Variants in RPH3A observed in about 807,000 individuals in gnomAD.
The protein encoded by RPH3A is rabphilin-3A.
In RPH3A, 48 loss-of-function variants were observed where a neutral mutation model predicts 102.2. The ratio of observed to expected loss-of-function variants is 0.47; its 90% CI spans 0.37 to 0.60. RPH3A has a LOEUF of 0.60. RPH3A is among the 20% of genes least tolerant of loss of function. The pLI, the probability that RPH3A is intolerant of heterozygous loss-of-function variation, is 0.00. For missense variants in RPH3A, 781 were observed against 910.1 expected (o/e 0.86, Z 1.83); for synonymous variants, 310 against 324.3 (o/e 0.96, Z 0.47).
At chr12:112,696,037 C>T (rs2040349298) in intron 1 of RPH3A, among the ~76,000 whole-genome samples, 2 of 152,150 alleles carry the variant, frequency 1.3e-5, no homozygotes, top group South Asian at 2.1e-4. Flanking sequence ...ATTCTTATGA[C>T]TTTGCATCCT....
chr12:112,693,271 A>G (rs367818871), intron 1 of RPH3A, among the ~76,000 whole-genome samples: 24 of 152,192 alleles, frequency 1.6e-4, no homozygotes, highest in Admixed American at 1.2e-3. Context: ...ATTGGTTTTG[A>G]CATCAGAAGC....
intron 4 of RPH3A, among the ~76,000 whole-genome samples, chr12:112,844,003 G>A (rs1444630207): frequency 2.0e-5 from 3 of 152,124 alleles, no homozygotes; most frequent in Non-Finnish European, 2.9e-5. Flanking sequence ...CAACAGCATG[G>A]CACAGGCTCT....
intron 1 of RPH3A, among the ~76,000 whole-genome samples, chr12:112,635,168 T>G (rs2039839014): frequency 6.6e-6 from 1 of 152,188 alleles, no homozygotes; most frequent in Non-Finnish European, 1.5e-5. Flanking sequence ...GCCACTATAA[T>G]ATGAAAGTAG....
At chr12:112,803,772 A>T (rs1479869910) in intron 2 of RPH3A, among the ~76,000 whole-genome samples, 2 of 152,194 alleles carry the variant, frequency 1.3e-5, no homozygotes, top group Non-Finnish European at 2.9e-5. Context: ...ACTGGCCAGG[A>T]GGAGGCAGTA....
chr12:112,634,567 G>A (rs1314530948), intron 1 of RPH3A, among the ~76,000 whole-genome samples: 10 of 134,506 alleles, frequency 7.4e-5, no homozygotes, highest in Non-Finnish European at 1.0e-4. Flanking sequence ...AAAAAAAAAA[G>A]GGTCACTATT....
intron 1 of RPH3A, among the ~76,000 whole-genome samples, chr12:112,628,731 C>T (rs754029624): frequency 4.6e-5 from 7 of 151,518 alleles, no homozygotes; most frequent in Non-Finnish European, 8.8e-5. Flanking sequence ...AGTGAGACCC[C>T]ATCTCTGAAA....
intron 1 of RPH3A, among the ~76,000 whole-genome samples, chr12:112,741,748 G>A (rs931428144): frequency 2.0e-5 from 3 of 152,136 alleles, no homozygotes; most frequent in African/African-American, 7.2e-5. Flanking sequence ...GGAAACATGT[G>A]TTGAAGACAA....
At chr12:112,714,337 C>T (rs192587685) in intron 1 of RPH3A, among the ~76,000 whole-genome samples, 1 of 152,230 alleles carries the variant, frequency 6.6e-6, no homozygotes, top group East Asian at 1.9e-4. Flanking sequence ...CTGATGCACA[C>T]AGGAAGATGT....
intron 1 of RPH3A, among the ~76,000 whole-genome samples, chr12:112,688,047 T>G (rs2040279841): frequency 6.6e-6 from 1 of 152,238 alleles, no homozygotes; most frequent in African/African-American, 2.4e-5. Flanking sequence ...CTGATCACCT[T>G]GATATAAAAT....
intron 1 of RPH3A, among the ~76,000 whole-genome samples, chr12:112,744,377 G>A (rs1440187643): frequency 6.6e-6 from 1 of 152,120 alleles, no homozygotes; most frequent in South Asian, 2.1e-4. Context: ...TACCCGGCCA[G>A]GCTTCAGTTT....
In RPH3A at chr12:112,686,874, G is replaced by A. The variant is rs569708977; in HGVS notation, c.-139-105269G>A. Among the ~76,000 whole-genome samples, 4 of 152,366 alleles carry A rather than the reference G, an allele frequency of 2.6e-5. No individual in the cohort carries two copies. In the East Asian group the frequency reaches 7.7e-4, roughly 29 times the overall value. ...TGGCTGGGTGCAGTGGCTCACGCCT[G>A]TAATCCTAGTGCTTTGGGAGGCTGA... On this transcript the variant is annotated intron_variant, in intron 1 of 21. Transcript: ENST00000543106.
intron 3 of RPH3A, among the ~76,000 whole-genome samples, chr12:112,833,778 G>A (rs1035119611): frequency 3.3e-5 from 5 of 150,818 alleles, no homozygotes; most frequent in African/African-American, 9.8e-5. Context: ...CACATAGGCC[G>A]GAGTGCAATA....
At chr12:112,667,662 AAGAGAGAGAG>A (rs71086114) in intron 1 of RPH3A, among the ~76,000 whole-genome samples, 6,390 of 72,712 alleles carry the variant, frequency 0.088, 355 homozygotes, top group Non-Finnish European at 0.1. Flanking sequence ...GAGATGAATA[AAGAGAGAGAG>A]AGAGAGAGAG....
chr12:112,755,263 G>A lies in RPH3A; in HGVS notation c.-139-36880G>A, dbSNP rs990298484. On this transcript the variant is annotated intron_variant, in intron 1 of 21. Coordinates refer to the RPH3A transcript ENST00000543106. ...ATAGTTTATTCCAGGATAACTTTAT[G>A]CAAAGATAAGTAAAATTGAATATAT... Among the ~76,000 whole-genome samples, 11 of 149,158 alleles carry A rather than the reference G, an allele frequency of 7.4e-5. No homozygotes were observed. In the Admixed American group the frequency reaches 7.4e-4, roughly 10 times the overall value.
chr12:112,824,210 G>A (rs2041829178), intron 2 of RPH3A, among the ~76,000 whole-genome samples: 1 of 152,228 alleles, frequency 6.6e-6, no homozygotes, highest in Non-Finnish European at 1.5e-5. Flanking sequence ...GAGCTCTGGA[G>A]TGTGATGGCA....
At chr12:112,742,693 C>T (rs994114296) in intron 1 of RPH3A, among the ~76,000 whole-genome samples, 7 of 152,160 alleles carry the variant, frequency 4.6e-5, no homozygotes, top group Non-Finnish European at 1.0e-4. Context: ...AAATGCTGCA[C>T]CTGACATCCC....
intron 1 of RPH3A, among the ~76,000 whole-genome samples, chr12:112,616,756 G>C (rs1419616): frequency 6.6e-6 from 1 of 152,140 alleles, no homozygotes; most frequent in African/African-American, 2.4e-5. Context: ...GATCTCTTAA[G>C]TATCCACCCA....
chr12:112,579,904 C>T (rs2039384681), intron 1 of RPH3A, among the ~76,000 whole-genome samples: 1 of 152,026 alleles, frequency 6.6e-6, no homozygotes, highest in African/African-American at 2.4e-5. Flanking sequence ...CAAGTTGTTT[C>T]TTATGTCATT....
At chr12:112,847,910 G>A (rs2042257836) in intron 5 of RPH3A, 68 bp downstream of exon 5, 2 of 1,560,710 alleles carry the variant, frequency 1.3e-6, no homozygotes, top group South Asian at 2.4e-5. Context: ...GCTGGAGCAG[G>A]GCTTTGGCCT....
Sources: allele counts gnomAD v4.1 joint callset (sites outside exome capture counted in the v4.1 genomes callset), GRCh38; gene constraint gnomAD v4.1.1; transcripts MANE v1.5; gene names NCBI Gene and HGNC (gene_info 2026-07-23, HGNC 2026-07-21).